The following SLIT2 variants were observed in gnomAD, a reference collection of about 807,000 sequenced individuals.
The protein encoded by SLIT2 is slit homolog 2 protein.
SLIT2 carries 41 observed loss-of-function variants against 185.7 expected under a neutral mutation model. The ratio of observed to expected loss-of-function variants is 0.22; its 90% confidence interval spans 0.17 to 0.29. SLIT2 has a LOEUF of 0.29. Among genes scored for constraint, SLIT2 ranks in the 10% least tolerant of loss-of-function variants. The pLI, the probability that SLIT2 is intolerant of heterozygous loss-of-function variation, is 1.00. For synonymous variants in SLIT2, 693 were observed against 680.2 expected, an observed-to-expected ratio of 1.02 and a Z score of -0.29; for missense variants, 1,571 against 1,909.0, an observed-to-expected ratio of 0.82 and a Z score of 3.30.
chr4:20,522,575 A>T (rs1169851719), intron 12 of SLIT2, among the ~76,000 whole-genome samples: 1 of 152,202 alleles, frequency 6.6e-6, no homozygotes, highest in East Asian at 1.9e-4. Context: ...AGAGCAGAGT[A>T]CATGCTGAAG....
At chr4:20,420,809 G>A (rs988671787) in intron 4 of SLIT2, among the ~76,000 whole-genome samples, 4 of 152,112 alleles carry the variant, frequency 2.6e-5, no homozygotes, top group Non-Finnish European at 5.9e-5. Context: ...GGGCTCTCAT[G>A]ATGGGATCGA....
intron 4 of SLIT2, among the ~76,000 whole-genome samples, chr4:20,285,740 G>C (rs1038964600): frequency 6.6e-6 from 1 of 152,122 alleles, no homozygotes; most frequent in African/African-American, 2.4e-5. Context: ...TAAAGATGGT[G>C]TTTCACCATA....
intron 7 of SLIT2, among the ~76,000 whole-genome samples, chr4:20,487,577 G>C (rs937130157): frequency 2.0e-5 from 3 of 152,024 alleles, no homozygotes; most frequent in Non-Finnish European, 4.4e-5. Flanking sequence ...GCTTGGTTTA[G>C]ACGGAAATAT....
chr4:20,349,206 A>G (rs1029008522), intron 4 of SLIT2, among the ~76,000 whole-genome samples: 3 of 152,188 alleles, frequency 2.0e-5, no homozygotes, highest in African/African-American at 7.2e-5. Flanking sequence ...AATGCCTGAG[A>G]GTTGATTTAT....
At chr4:20,350,113 C>G (rs1721741531) in intron 4 of SLIT2, among the ~76,000 whole-genome samples, 1 of 152,126 alleles carries the variant, frequency 6.6e-6, no homozygotes, top group African/African-American at 2.4e-5. Context: ...GCATCATGTA[C>G]TTCTTGTTCA....
At chr4:20,440,523 C>T (rs944180691) in intron 4 of SLIT2, among the ~76,000 whole-genome samples, 1 of 151,724 alleles carries the variant, frequency 6.6e-6, no homozygotes, top group African/African-American at 2.4e-5. Flanking sequence ...CTGATATATA[C>T]GGCCCTAAAA....
intron 4 of SLIT2, among the ~76,000 whole-genome samples, chr4:20,311,424 T>G (rs1718092912): frequency 6.6e-6 from 1 of 152,220 alleles, no homozygotes; most frequent in South Asian, 2.1e-4. Context: ...AAAGTCAGTG[T>G]TATAAATGAA....
intron 4 of SLIT2, among the ~76,000 whole-genome samples, chr4:20,380,356 A>T (rs1724395671): frequency 6.6e-6 from 1 of 152,188 alleles, no homozygotes. Context: ...TCCCCAAACC[A>T]ACATTGTACA....
At chr4:20,494,825 G>A (rs1718085299) in intron 9 of SLIT2, among the ~76,000 whole-genome samples, 1 of 151,766 alleles carries the variant, frequency 6.6e-6, no homozygotes, top group Non-Finnish European at 1.5e-5. Context: ...AATAATTTTG[G>A]AGCAAGCAAG....
chr4:20,451,601 G>T (rs1712486544), intron 4 of SLIT2, among the ~76,000 whole-genome samples: 1 of 152,178 alleles, frequency 6.6e-6, no homozygotes. Context: ...CTGAGACAGA[G>T]AACTCTGTTC....
chr4:20,601,404 C>T (rs1371520314), intron 33 of SLIT2, among the ~76,000 whole-genome samples: 1 of 152,122 alleles, frequency 6.6e-6, no homozygotes, highest in Non-Finnish European at 1.5e-5. Flanking sequence ...CTAGGTAAAC[C>T]ATAAACAATG....
chr4:20,473,123 G>A (rs959936221), intron 5 of SLIT2, among the ~76,000 whole-genome samples: 1 of 151,506 alleles, frequency 6.6e-6, no homozygotes, highest in African/African-American at 2.4e-5. Flanking sequence ...GCTTTCTGCT[G>A]CTTTAATTTT....
intron 4 of SLIT2, among the ~76,000 whole-genome samples, chr4:20,444,294 G>C (rs927597489): frequency 2.0e-5 from 3 of 152,016 alleles, no homozygotes; most frequent in Non-Finnish European, 4.4e-5. Flanking sequence ...CATTTAAGGA[G>C]AATTATTGGG....
At chr4:20,591,999 A>G (rs1172453633) in intron 30 of SLIT2, among the ~76,000 whole-genome samples, 1 of 152,178 alleles carries the variant, frequency 6.6e-6, no homozygotes, top group Non-Finnish European at 1.5e-5. Flanking sequence ...TATAGTTTGT[A>G]AGCTCGTTTC....
At chr4:20,301,763 C>A (rs1049591998) in intron 4 of SLIT2, among the ~76,000 whole-genome samples, 2 of 152,014 alleles carry the variant, frequency 1.3e-5, no homozygotes, top group African/African-American at 4.8e-5. Flanking sequence ...TAGAATAATC[C>A]TCTCTCTCCT....
At chr4:20,369,205 T>C (rs1373585267) in intron 4 of SLIT2, among the ~76,000 whole-genome samples, 4 of 152,062 alleles carry the variant, frequency 2.6e-5, no homozygotes, top group Admixed American at 1.3e-4. Context: ...TTCCTTCTGG[T>C]TTGTGTGCTG....
intron 4 of SLIT2, among the ~76,000 whole-genome samples, chr4:20,369,545 C>T (rs1175690766): frequency 1.3e-5 from 2 of 152,074 alleles, no homozygotes; most frequent in Non-Finnish European, 2.9e-5. Context: ...TTACGGAAAA[C>T]GTTTGCCAGC....
chr4:20,617,034 G>A lies in SLIT2; in HGVS notation c.3972G>A (p.Pro1324=), dbSNP rs139368157. 7.4e-5 allele frequency: 119 copies of A among 1,614,070 alleles called. No homozygotes were observed. Among genetic ancestry groups the A allele is most frequent in the Admixed American group, 1.3e-4 (8 of 60,008 alleles). The part of the protein sequence containing the change: ...NSELQDFQKV[P]MQTGILPGCE... ...AGCTGCAGGACTTCCAGAAGGTGCC[G>A]ATGCAAACAGGCATTTTGCCTGGCT... The change falls in exon 35 of 37, where the codon CCG becomes CCA. Residue 1324 remains proline, a synonymous_variant. Transcript: ENST00000504154.
At position 20,496,014 on chromosome 4, in the gene SLIT2, T is replaced by A. The variant is rs145022854; in HGVS notation, c.914+4115T>A. 2.0e-5 allele frequency among the ~76,000 whole-genome samples: 3 copies of A among 152,282 alleles called. No homozygotes were observed. In the East Asian group the frequency reaches 5.8e-4, roughly 29 times the overall value. ...TTCAAATATATTTTCATATCTGAAT[T>A]TTACCATAAATTGTTGGTTGAGTTT... is the stretch of plus-strand genomic sequence containing the variant. On this transcript the variant is annotated intron_variant, in intron 9 of 36. Transcript: ENST00000504154.
Sources: allele counts gnomAD v4.1 joint callset (sites outside exome capture counted in the v4.1 genomes callset), GRCh38; gene constraint gnomAD v4.1.1; transcripts MANE v1.5; gene names NCBI Gene and HGNC (gene_info 2026-07-23, HGNC 2026-07-21).